The following DPH6 variants were observed in gnomAD, a reference collection of about 807,000 sequenced individuals.
The protein encoded by DPH6 is diphthine--ammonia ligase.
A neutral mutation model predicts 38.2 loss-of-function variants in DPH6; 33 were observed. The observed-to-expected ratio is 0.86, with a 90% confidence interval of 0.65 to 1.15. The LOEUF (loss-of-function observed/expected upper bound fraction) is 1.15. Among genes scored for constraint, DPH6 ranks in the 50% most tolerant of loss-of-function variants. DPH6 has a pLI of 0.00. For synonymous variants in DPH6, 108 were observed against 103.0 expected, an observed-to-expected ratio of 1.05 and a Z score of -0.30; for missense variants, 325 against 320.0, an observed-to-expected ratio of 1.02 and a Z score of -0.12.
rs191325782 is a variant in DPH6 at position 35,270,704 on chromosome 15, C to T, written n.201-50122G>A. Among the ~76,000 whole-genome samples, 3 of 152,254 alleles carry T rather than the reference C, an allele frequency of 2.0e-5. No homozygotes were observed. The East Asian group carries it at 5.8e-4, about 29-fold the overall frequency. On this transcript the variant is annotated intron_variant and non_coding_transcript_variant, in intron 3 of 3. Coordinates refer to the DPH6 transcript ENST00000560386. ...ATACTAAATATTCCTTTGAAATGCTCTTGTGTTTGTAGGGAATGACAACTT... is the reference window on the plus strand; with the variant it reads ...ATACTAAATATTCCTTTGAAATGCTTTTGTGTTTGTAGGGAATGACAACTT...
At chr15:35,255,320 A>G (rs2051700349) in intron 3 of DPH6, among the ~76,000 whole-genome samples, 1 of 152,228 alleles carries the variant, frequency 6.6e-6, no homozygotes, top group Non-Finnish European at 1.5e-5. Flanking sequence ...CTGTTCTGAA[A>G]TTAGACTTTA....
chr15:35,355,352 C>T (rs1459646742), intron 3 of DPH6, among the ~76,000 whole-genome samples: 5 of 152,080 alleles, frequency 3.3e-5, no homozygotes, highest in Admixed American at 6.5e-5. Context: ...TAATTTTGCT[C>T]GTTATTTGAT....
the DPH6 span, among the ~76,000 whole-genome samples, chr15:35,205,789 T>C: frequency 6.6e-6 from 1 of 152,112 alleles, no homozygotes. Flanking sequence ...ATAACAAATT[T>C]ATAACTACAT....
chr15:35,419,734 C>A (rs183352864), intron 5 of DPH6, among the ~76,000 whole-genome samples: 91 of 152,200 alleles, frequency 6.0e-4, no homozygotes, highest in African/African-American at 2.1e-3. Flanking sequence ...GAATCCAATT[C>A]ATCAAGAGGA....
chr15:35,389,043 C>G lies in DPH6; in HGVS notation c.568-7127G>C, dbSNP rs573658891. ...TCCCAGAGATTCTGGTATGTTGTGTCTTTGTTCTCGTTGGTTTCAAAGAAA... is the reference window on the plus strand; with the variant it reads ...TCCCAGAGATTCTGGTATGTTGTGTGTTTGTTCTCGTTGGTTTCAAAGAAA... On this transcript the variant is annotated intron_variant, in intron 6 of 8. Coordinates refer to ENST00000256538, the MANE Select transcript of DPH6 (RefSeq NM_080650.4). 2.6e-5 allele frequency among the ~76,000 whole-genome samples: 4 copies of G among 152,252 alleles called. No individual in the cohort carries two copies. The East Asian group carries it at 7.7e-4, about 29-fold the overall frequency.
chr15:35,415,395 A>T (rs1354473326), intron 5 of DPH6, among the ~76,000 whole-genome samples: 1 of 152,042 alleles, frequency 6.6e-6, no homozygotes, highest in African/African-American at 2.4e-5. Flanking sequence ...ATATATGCCT[A>T]TAAGGCATGA....
chr15:35,302,856 G>A (rs555467522), intron 3 of DPH6, among the ~76,000 whole-genome samples: 12 of 151,886 alleles, frequency 7.9e-5, no homozygotes, highest in African/African-American at 2.9e-4. Context: ...CTTGAATAGG[G>A]TCTTCTTATA....
chr15:35,179,850 C>G, the DPH6 span, among the ~76,000 whole-genome samples: 1 of 152,142 alleles, frequency 6.6e-6, no homozygotes, highest in Non-Finnish European at 1.5e-5. Context: ...AGATGCATGG[C>G]AAAGAACAGA....
At chr15:35,177,038 C>T in the DPH6 span, among the ~76,000 whole-genome samples, 2 of 152,074 alleles carry the variant, frequency 1.3e-5, no homozygotes, top group Admixed American at 6.6e-5. Flanking sequence ...TTTGTATTTG[C>T]CAATGAATGC....
intron 3 of DPH6, chr15:35,298,171 G>A (rs1246680382): frequency 2.3e-6 from 1 of 425,858 alleles, no homozygotes; most frequent in East Asian, 5.5e-5. Context: ...TGGAGGCTGT[G>A]ACCTTTTTCC....
At chr15:35,461,133 G>A (rs1167202817) in intron 3 of DPH6, among the ~76,000 whole-genome samples, 1 of 152,164 alleles carries the variant, frequency 6.6e-6, no homozygotes, top group African/African-American at 2.4e-5. Flanking sequence ...CGCCCAGGCT[G>A]GAATGCAGTG....
chr15:35,382,397 G>T (rs964205756), intron 6 of DPH6, among the ~76,000 whole-genome samples: 2 of 152,134 alleles, frequency 1.3e-5, no homozygotes, highest in Admixed American at 1.3e-4. Context: ...AGTGAGCCGA[G>T]ATCAGCCTGG....
intron 3 of DPH6, among the ~76,000 whole-genome samples, chr15:35,250,334 G>A (rs918225202): frequency 2.6e-5 from 4 of 152,154 alleles, no homozygotes; most frequent in African/African-American, 4.8e-5. Context: ...ACAGAGAAGA[G>A]AGGCTGATAT....
intron 3 of DPH6, among the ~76,000 whole-genome samples, chr15:35,292,044 T>C (rs1312456793): frequency 5.3e-5 from 8 of 152,134 alleles, no homozygotes. Flanking sequence ...TTTTTCCTCC[T>C]TTCTCAGGAG....
chr15:35,350,992 C>T lies in DPH6; in HGVS notation n.208-19915G>A, dbSNP rs541779387. 2.0e-5 allele frequency among the ~76,000 whole-genome samples: 3 copies of T among 152,240 alleles called. No individual in the cohort carries two copies. In the South Asian group the frequency reaches 6.2e-4, roughly 32 times the overall value. On this transcript the variant is annotated intron_variant and non_coding_transcript_variant, in intron 3 of 3. Transcript: ENST00000558973. ...CTTCTGTTTCTTTACTTTTCTCTGG[C>T]TGATCTATACGTTATTGAAATTGGA...
At chr15:35,150,967 A>T in the DPH6 span, among the ~76,000 whole-genome samples, 6 of 152,308 alleles carry the variant, frequency 3.9e-5, no homozygotes, top group African/African-American at 7.2e-5. Context: ...TTCAATGGCT[A>T]TATCTTTCAT....
chr15:35,456,676 C>T (rs534068861), intron 3 of DPH6, among the ~76,000 whole-genome samples: 117 of 151,584 alleles, frequency 7.7e-4, no homozygotes, highest in African/African-American at 2.6e-3. Flanking sequence ...TTAGTAGAGA[C>T]GGGGTTTCAC....
chr15:35,411,642 C>CAAAT (rs2053368418), intron 5 of DPH6, among the ~76,000 whole-genome samples: 1 of 151,514 alleles, frequency 6.6e-6, no homozygotes, highest in African/African-American at 2.4e-5. Flanking sequence ...GAAAAAAAAT[C>CAAAT]CCATGTCACA....
intron 3 of DPH6, among the ~76,000 whole-genome samples, chr15:35,279,066 A>ATATATATATATAT (rs3028680): frequency 8.2e-5 from 8 of 97,994 alleles, no homozygotes; most frequent in African/African-American, 4.0e-4. Flanking sequence ...AAAAAAAAAA[A>ATATATATATATAT]AAATATATAT....
Sources: gnomAD v4.1 joint callset for allele counts (sites outside exome capture counted in the v4.1 genomes callset) on GRCh38, gnomAD v4.1.1 for gene constraint, MANE v1.5 for transcripts, NCBI Gene and HGNC (gene_info 2026-07-23, HGNC 2026-07-21) for gene names.